MT1F: variants seen among roughly 807,000 people sequenced by gnomAD.
MT1F encodes metallothionein 1F.
A neutral mutation model predicts 5.4 loss-of-function variants in MT1F; 6 were observed. That is an observed-to-expected ratio of 1.11 (90% CI 0.61 to 2.19). MT1F has a LOEUF of 2.19. Ranked by LOEUF, MT1F falls within the 30% of genes most tolerant of loss-of-function variation. The pLI is 0.00. For synonymous variants in MT1F, 28 were observed against 28.3 expected (o/e 0.99, Z 0.04); for missense variants, 82 against 77.0 (o/e 1.07, Z -0.24).
Position 56,659,263 on chromosome 16 carries a change from C to G in MT1F, c.*99C>G. The G allele has an allele frequency of 8.7e-7, 1 of 1,145,820 alleles. No homozygotes were observed. Among genetic ancestry groups the G allele is most frequent in the Non-Finnish European group, 1.3e-6 (1 of 776,654 alleles). 71.0% of individuals were successfully genotyped at this position (1,145,820 alleles called of 1,614,324 possible). A position where few individuals can be genotyped will look rare whatever the true frequency, so the allele number is the denominator to read the frequency against. ...TGACCCATTTGCTACATTCCTTTTC[C>G]TGTGAAATATGTGAGTGATAATTAA... On this transcript the variant is annotated 3_prime_UTR_variant, in exon 3 of 3. Coordinates refer to ENST00000334350, the MANE Select transcript of MT1F (RefSeq NM_005949.4).
At chr16:56,658,367 G>T in intron 1 of MT1F, 1 of 584,742 alleles carries the variant, frequency 1.7e-6, no homozygotes, top group Admixed American at 3.1e-5. Context: ...CAGGCTTTGA[G>T]CAGCAGGATT....
chr16:56,658,845 C>G, intron 2 of MT1F, 105 bp downstream of exon 2: 1 of 1,441,620 alleles, frequency 6.9e-7, no homozygotes, highest in Non-Finnish European at 9.7e-7. Context: ...CTTCCTTTGT[C>G]CCCGTAGGTT....
At position 56,658,086 on chromosome 16, in the gene MT1F, G is replaced by T; in HGVS notation, c.28G>T (p.Gly10Cys). Residue 10 changes from glycine to cysteine, a missense_variant and splice_region_variant, in exon 1 of 3, where the codon GGT (glycine) becomes TGT (cysteine). By Grantham distance (159) the Gly-to-Cys change is radical. Coordinates refer to ENST00000334350, the MANE Select transcript of MT1F (RefSeq NM_005949.4). ...GGACCCCAACTGCTCCTGCGCCGCT[G>T]GTAAGGAACGCCGGGTTCCGTGCCT... MDPNCSCAA[G>C]VSCTCAGSCK... 1 of 1,614,100 alleles carries T rather than the reference G, an allele frequency of 6.2e-7. No individual in the cohort carries two copies. The highest frequency in any genetic ancestry group is 8.5e-7 in the Non-Finnish European group (1 of 1,179,968).
chr16:56,659,055 G>T lies in MT1F; in HGVS notation c.95-18G>T. ...GGGCAAGTTGGCTGTGACCTCTCAT[G>T]CTCCTCTTCTTCCCCAGGCTGCTGC... On this transcript the variant is annotated intron_variant, in intron 2 of 2. Transcript: ENST00000334350. 1 of 1,611,456 alleles carries T rather than the reference G, an allele frequency of 6.2e-7. No individual in the cohort carries two copies. The highest frequency in any genetic ancestry group is 8.5e-7 in the Non-Finnish European group (1 of 1,178,326).
chr16:56,658,132 C>T (rs1433545953), intron 1 of MT1F, 46 bp downstream of exon 1: 2 of 1,609,798 alleles, frequency 1.2e-6, no homozygotes, highest in South Asian at 2.2e-5. Context: ...GATTCCCAGA[C>T]ACCATAGAGA....
Position 56,657,978 on chromosome 16 carries a change from G to A in MT1F, c.-81G>A, listed in dbSNP as rs1960641658. On this transcript the variant is annotated 5_prime_UTR_variant, in exon 1 of 3. Transcript: ENST00000334350. ...CTGACTATCAAAGCAGCGGCCGGCTGTTGGGGTCCACCACGCCTTCCACCT... is the reference window on the plus strand; with the variant it reads ...CTGACTATCAAAGCAGCGGCCGGCTATTGGGGTCCACCACGCCTTCCACCT... The A allele has an allele frequency of 6.8e-7, 1 of 1,470,504 alleles. No homozygotes were observed. The highest frequency in any genetic ancestry group is 9.5e-7 in the Non-Finnish European group (1 of 1,057,902). The allele number at this position is 1,470,504 out of a possible 1,614,324, so 91.1% of individuals were successfully genotyped here. A position where few individuals can be genotyped will look rare whatever the true frequency, so the allele number is the denominator to read the frequency against.
chr16:56,658,724 C>A lies in MT1F; in HGVS notation c.78C>A (p.Cys26Ter). The stretch of plus-strand genomic sequence containing the variant: ...CCTGCAAGTGCAAAGAGTGCAAATG[C>A]ACCTCCTGCAAGAAGAGTGAGTGTG... ...AGSCKCKECK[C>*]TSCKKSCCSC... The change falls in exon 2 of 3, where the codon TGC becomes TGA. Residue 26 changes from cysteine (C) to a stop codon, truncating the protein, a stop_gained. Transcript: ENST00000334350. LOFTEE classifies it high-confidence loss of function. 1 of 1,614,208 alleles carries A rather than the reference C, an allele frequency of 6.2e-7. No individual in the cohort carries two copies. Among genetic ancestry groups the A allele is most frequent in the Admixed American group, 1.7e-5 (1 of 60,034 alleles).
At chr16:56,658,559 G>A (rs759491476) in intron 1 of MT1F, 116 bp from the exon 2 acceptor site, 80 of 1,029,984 alleles carry the variant, frequency 7.8e-5, no homozygotes, top group Non-Finnish European at 1.1e-4. Flanking sequence ...GAGTGGGAAA[G>A]GAGCTCTGAG....
Position 56,659,203 on chromosome 16 carries a change from C to T in MT1F, c.*39C>T. On this transcript the variant is annotated 3_prime_UTR_variant, in exon 3 of 3. Coordinates refer to ENST00000334350, the MANE Select transcript of MT1F (RefSeq NM_005949.4). The stretch of plus-strand genomic sequence containing the variant: ...TTTCTCCCAGATGTAAACAGAGAGA[C>T]ATGTACAAACCTGGATTTTTTTTTT... 1 of 1,600,234 alleles carries T rather than the reference C, an allele frequency of 6.2e-7. No homozygotes were observed. Among genetic ancestry groups the T allele is most frequent in the African/African-American group, 1.3e-5 (1 of 74,632 alleles).
intron 1 of MT1F, 199 bp downstream of exon 1, chr16:56,658,285 A>G (rs1960646024): frequency 6.2e-6 from 4 of 640,576 alleles, no homozygotes; most frequent in Non-Finnish European, 1.1e-5. Context: ...GAGGGTACTG[A>G]GGCTCAAGGC....
chr16:56,658,603 A>G (rs1960650103), intron 1 of MT1F, 72 bp from the exon 2 acceptor site: 1 of 1,486,110 alleles, frequency 6.7e-7, no homozygotes, highest in South Asian at 1.1e-5. Flanking sequence ...GGCAATGGAG[A>G]CTCATTAACT....
At position 56,658,024 on chromosome 16, in the gene MT1F, C is replaced by T. The variant is rs1219745838; in HGVS notation, c.-35C>T. 1 of 1,612,038 alleles carries T rather than the reference C, an allele frequency of 6.2e-7. No individual in the cohort carries two copies. The highest frequency in any genetic ancestry group is 1.3e-5 in the African/African-American group (1 of 74,846). ...CACCTGCCCCACTGCTTCTTCGCTT[C>T]TCTCTTGGAAAGTCCAGTCTCTCCT... On this transcript the variant is annotated 5_prime_UTR_variant, in exon 1 of 3. Transcript: ENST00000334350.
rs774497719 is a variant in MT1F, at chr16:56,658,544, G to C, written c.29-131G>C. On this transcript the variant is annotated intron_variant, in intron 1 of 2. Transcript: ENST00000334350. Reference sequence around the variant, plus strand: ...GAGGACATGGGGCTTCTCTTCCTCTGCTCTGAGTGGGAAAGGAGCTCTGAG... The same window carrying C: ...GAGGACATGGGGCTTCTCTTCCTCTCCTCTGAGTGGGAAAGGAGCTCTGAG... 1.7e-4 allele frequency: 155 copies of C among 910,738 alleles called. 1 individual carries two copies. Among genetic ancestry groups the C allele is most frequent in the Non-Finnish European group, 2.1e-4 (124 of 579,858 alleles). The allele number at this position is 910,738 out of a possible 1,614,324, so 56.4% of individuals were successfully genotyped here. A position where few individuals can be genotyped will look rare whatever the true frequency, so the allele number is the denominator to read the frequency against.
rs1339788316 is a variant in MT1F at position 56,659,053 on chromosome 16, A to T, written c.95-20A>T. ...CTGGGCAAGTTGGCTGTGACCTCTC[A>T]TGCTCCTCTTCTTCCCCAGGCTGCT... On this transcript the variant is annotated intron_variant, in intron 2 of 2. Transcript: ENST00000334350. 1 of 1,611,148 alleles carries T rather than the reference A, an allele frequency of 6.2e-7. No homozygotes were observed. The highest frequency in any genetic ancestry group is 1.1e-5 in the South Asian group (1 of 90,994).
At chr16:56,658,627 C>T (rs1466586457) in intron 1 of MT1F, 48 bp from the exon 2 acceptor site, 1 of 1,599,074 alleles carries the variant, frequency 6.3e-7, no homozygotes, top group African/African-American at 1.3e-5. Flanking sequence ...TGCTGTACCT[C>T]CTGCAGGTCA....
Position 56,657,994 on chromosome 16 carries a change from C to T in MT1F, c.-65C>T. The T allele has an allele frequency of 1.3e-6, 2 of 1,564,714 alleles. No individual in the cohort carries two copies. The highest frequency in any genetic ancestry group is 1.8e-6 in the Non-Finnish European group (2 of 1,137,224). The stretch of plus-strand genomic sequence containing the variant: ...CGGCCGGCTGTTGGGGTCCACCACG[C>T]CTTCCACCTGCCCCACTGCTTCTTC... On this transcript the variant is annotated 5_prime_UTR_variant, in exon 1 of 3. Transcript: ENST00000334350.
In MT1F at chr16:56,658,709, C is replaced by A; in HGVS notation, c.63C>A (p.Cys21Ter). 1 of 1,614,234 alleles carries A rather than the reference C, an allele frequency of 6.2e-7. No individual in the cohort carries two copies. Among genetic ancestry groups the A allele is most frequent in the Non-Finnish European group, 8.5e-7 (1 of 1,180,038 alleles). ...GCACCTGCGCTGGTTCCTGCAAGTG[C>A]AAAGAGTGCAAATGCACCTCCTGCA... is the stretch of plus-strand genomic sequence containing the variant. ...VSCTCAGSCK[C>*]KECKCTSCKK... Residue 21 changes from cysteine (C) to a stop codon, truncating the protein, a stop_gained, in exon 2 of 3, where the codon TGC becomes TGA. Coordinates refer to ENST00000334350, the MANE Select transcript of MT1F (RefSeq NM_005949.4). LOFTEE classifies it high-confidence loss of function.
Position 56,659,205 on chromosome 16 carries a change from T to A in MT1F, c.*41T>A, listed in dbSNP as rs751668303. On this transcript the variant is annotated 3_prime_UTR_variant, in exon 3 of 3. Coordinates refer to ENST00000334350, the MANE Select transcript of MT1F (RefSeq NM_005949.4). Reference sequence around the variant, plus strand: ...TCTCCCAGATGTAAACAGAGAGACATGTACAAACCTGGATTTTTTTTTTAT... The same window carrying A: ...TCTCCCAGATGTAAACAGAGAGACAAGTACAAACCTGGATTTTTTTTTTAT... 3 of 1,599,612 alleles carry A rather than the reference T, an allele frequency of 1.9e-6. No homozygotes were observed. In the African/African-American group the frequency reaches 4.0e-5, roughly 22 times the overall value.
At chr16:56,658,762 T>C (rs1434431810) in intron 2 of MT1F, 22 bp downstream of exon 2, 2 of 1,614,034 alleles carry the variant, frequency 1.2e-6, no homozygotes, top group Admixed American at 3.3e-5. Context: ...GCCATCTCCA[T>C]GGTCTGGGGC....
Sources: gnomAD v4.1 joint callset for allele counts on GRCh38, gnomAD v4.1.1 for gene constraint, MANE v1.5 for transcripts, NCBI Gene and HGNC (gene_info 2026-07-23, HGNC 2026-07-21) for gene names.